Variants in CDK14 observed in about 807,000 individuals in gnomAD.
CDK14 encodes cyclin-dependent kinase 14.
Under a neutral mutation model 60.7 loss-of-function variants are expected in CDK14, and 34 were observed. That is an observed-to-expected ratio of 0.56 (90% confidence interval 0.43 to 0.75). The LOEUF is 0.75. Among genes scored for constraint, CDK14 ranks in the 30% least tolerant of loss-of-function variants. The probability of loss-of-function intolerance (pLI) is 0.00; values close to 1 mark genes in which losing one functional copy is unlikely to be tolerated. For missense variants in CDK14, 482 were observed against 564.1 expected, an observed-to-expected ratio of 0.85 and a Z score of 1.47; for synonymous variants, 197 against 203.7, an observed-to-expected ratio of 0.97 and a Z score of 0.28.
chr7:90,804,569 A>G (rs1300766291), intron 5 of CDK14, among the ~76,000 whole-genome samples: 2 of 152,184 alleles, frequency 1.3e-5, no homozygotes, highest in Non-Finnish European at 2.9e-5. Flanking sequence ...AATTGCCACA[A>G]TTGTTATTCT....
chr7:90,830,485 TGTG>T (rs1432260648), intron 5 of CDK14, among the ~76,000 whole-genome samples: 2 of 152,238 alleles, frequency 1.3e-5, no homozygotes, highest in East Asian at 1.9e-4. Context: ...CTTCTGGGCT[TGTG>T]GTGGGAGGGG....
At chr7:90,998,814 G>A (rs1264854971) in intron 10 of CDK14, among the ~76,000 whole-genome samples, 11 of 152,128 alleles carry the variant, frequency 7.2e-5, no homozygotes, top group South Asian at 4.1e-4. Context: ...GCCTGAACCC[G>A]GGAGGCGGAG....
intron 3 of CDK14, among the ~76,000 whole-genome samples, chr7:90,745,538 C>G (rs933480936): frequency 6.6e-6 from 1 of 152,140 alleles, no homozygotes; most frequent in Non-Finnish European, 1.5e-5. Context: ...GCCTTAGCCT[C>G]CCGAGTAGCT....
chr7:91,096,324 A>G (rs1798990779), intron 12 of CDK14, among the ~76,000 whole-genome samples: 3 of 152,160 alleles, frequency 2.0e-5, no homozygotes, highest in Non-Finnish European at 4.4e-5. Context: ...AAAGCCAACC[A>G]ACATGTCATG....
intron 6 of CDK14, among the ~76,000 whole-genome samples, chr7:90,892,961 A>G (rs1390920164): frequency 1.3e-5 from 2 of 151,936 alleles, no homozygotes; most frequent in African/African-American, 4.8e-5. Context: ...TATATTTTTA[A>G]TAGAGATAGG....
chr7:90,604,389 A>G (rs1799376006), intron 2 of CDK14, 140 bp downstream of exon 2: 3 of 484,718 alleles, frequency 6.2e-6, no homozygotes, highest in Admixed American at 4.4e-5. Context: ...TTGCATTATT[A>G]TATTTTCAAA....
intron 9 of CDK14, among the ~76,000 whole-genome samples, chr7:90,983,849 C>T (rs1283449836): frequency 2.0e-5 from 3 of 151,978 alleles, no homozygotes; most frequent in Non-Finnish European, 4.4e-5. Context: ...CAACAATAGA[C>T]ACTAGAGACT....
At chr7:90,731,784 A>G (rs893275328) in intron 3 of CDK14, among the ~76,000 whole-genome samples, 3 of 152,216 alleles carry the variant, frequency 2.0e-5, no homozygotes, top group African/African-American at 7.2e-5. Flanking sequence ...TGTCTCTGCA[A>G]ACAGAGGCAA....
At chr7:90,947,380 G>A (rs1794131857) in intron 8 of CDK14, among the ~76,000 whole-genome samples, 1 of 152,146 alleles carries the variant, frequency 6.6e-6, no homozygotes, top group Non-Finnish European at 1.5e-5. Flanking sequence ...TTCTTGGGGA[G>A]GTGATAGCAC....
chr7:90,656,900 A>G (rs1036317597), intron 2 of CDK14, among the ~76,000 whole-genome samples: 2 of 152,226 alleles, frequency 1.3e-5, no homozygotes, highest in African/African-American at 4.8e-5. Flanking sequence ...GTGGAAAAAC[A>G]CAGTCTGTTT....
chr7:90,649,248 C>CTTTCTTTGTTTCTTTGTTTG lies in CDK14; in HGVS notation c.123+45006_123+45007insGTTTCTTTGTTTGTTTCTTT, dbSNP rs1393039883. Reference sequence around the variant, plus strand: ...GCTCTAGCCTATAGTTTCTTTCTTTCTTTCTTTCTTTCTTTCTTTCTTTCT... The same window carrying CTTTCTTTGTTTCTTTGTTTG: ...GCTCTAGCCTATAGTTTCTTTCTTTCTTTCTTTGTTTCTTTGTTTGTTTCTTTCTTTCTTTCTTTCTTTCT... On this transcript the variant is annotated intron_variant, in intron 2 of 14. Coordinates refer to ENST00000380050, the MANE Select transcript of CDK14 (RefSeq NM_001287135.2). Among the ~76,000 whole-genome samples, 4 of 25,182 alleles carry CTTTCTTTGTTTCTTTGTTTG rather than the reference C, an allele frequency of 1.6e-4. 1 individual carries two copies. The South Asian group carries it at 4.2e-3, about 27-fold the overall frequency. The allele number at this position is 25,182 out of a possible 152,430, so 16.5% of individuals were successfully genotyped here. A position where few individuals can be genotyped will look rare whatever the true frequency, so the allele number is the denominator to read the frequency against.
At chr7:90,910,175 C>A (rs1212548607) in intron 7 of CDK14, among the ~76,000 whole-genome samples, 1 of 152,052 alleles carries the variant, frequency 6.6e-6, no homozygotes, top group African/African-American at 2.4e-5. Context: ...TTTTTTATAT[C>A]TCTGTATAAC....
Position 90,596,491 on chromosome 7 carries a change from C to A in CDK14, c.-137C>A. 1.5e-6 allele frequency: 1 copy of A among 674,016 alleles called. No homozygotes were observed. Among genetic ancestry groups the A allele is most frequent in the Non-Finnish European group, 2.6e-6 (1 of 384,480 alleles). 41.8% of individuals were successfully genotyped at this position (674,016 alleles called of 1,614,324 possible). A position where few individuals can be genotyped will look rare whatever the true frequency, so the allele number is the denominator to read the frequency against. ...CCTGCCTGCTGCTCGCCTCCCTAGACCTGCGCGTCGCTTCCCGGCCCGCCG... is the reference window on the plus strand; with the variant it reads ...CCTGCCTGCTGCTCGCCTCCCTAGAACTGCGCGTCGCTTCCCGGCCCGCCG... On this transcript the variant is annotated 5_prime_UTR_variant, in exon 1 of 15. Coordinates refer to ENST00000380050, the MANE Select transcript of CDK14 (RefSeq NM_001287135.2).
At position 90,771,255 on chromosome 7, in the gene CDK14, T is replaced by C. The variant is rs114483825; in HGVS notation, c.465-19318T>C. On this transcript the variant is annotated intron_variant, in intron 4 of 14. Transcript: ENST00000380050. ...GGAATAATTTTTTCTTTAACACTTC[T>C]TGCATGATTCAGTTACTGCCTTGCT... Among the ~76,000 whole-genome samples, 534 of 152,366 alleles carry C rather than the reference T, an allele frequency of 3.5e-3. 1 individual carries two copies. Among genetic ancestry groups the C allele is most frequent in the African/African-American group, 0.012 (513 of 41,586 alleles).
At chr7:90,676,527 A>ATTT (rs60056655) in intron 2 of CDK14, among the ~76,000 whole-genome samples, 1 of 142,038 alleles carries the variant, frequency 7.0e-6, no homozygotes, top group Non-Finnish European at 1.5e-5. Context: ...TAGATGTTTC[A>ATTT]TTTTTTTTTT....
At chr7:91,082,754 T>C (rs1397911594) in intron 12 of CDK14, among the ~76,000 whole-genome samples, 1 of 152,212 alleles carries the variant, frequency 6.6e-6, no homozygotes, top group Non-Finnish European at 1.5e-5. Flanking sequence ...TTGAGTTACA[T>C]ATGCATAAAA....
chr7:90,787,060 T>C (rs1805614994), intron 4 of CDK14, among the ~76,000 whole-genome samples: 1 of 152,150 alleles, frequency 6.6e-6, no homozygotes, highest in South Asian at 2.1e-4. Context: ...TTACCAGGCT[T>C]TAGAACTGAG....
At chr7:91,007,626 T>G (rs773573724) in intron 10 of CDK14, among the ~76,000 whole-genome samples, 1 of 152,104 alleles carries the variant, frequency 6.6e-6, no homozygotes, top group Non-Finnish European at 1.5e-5. Flanking sequence ...AGGAGCAAAA[T>G]AAATGTTATT....
chr7:90,988,553 A>C (rs1390187557), intron 10 of CDK14, among the ~76,000 whole-genome samples: 1 of 152,228 alleles, frequency 6.6e-6, no homozygotes, highest in Non-Finnish European at 1.5e-5. Flanking sequence ...GTGAATATAT[A>C]TTCAGAGTGA....
Sources: gnomAD v4.1 joint callset for allele counts (sites outside exome capture counted in the v4.1 genomes callset) on GRCh38, gnomAD v4.1.1 for gene constraint, MANE v1.5 for transcripts, NCBI Gene and HGNC (gene_info 2026-07-23, HGNC 2026-07-21) for gene names.